Variants in MCTP2 observed in about 807,000 individuals in gnomAD.
MCTP2 encodes the protein multiple C2 and transmembrane domain-containing protein 2.
In MCTP2, 132 loss-of-function variants were observed where a neutral mutation model predicts 111.6. The observed-to-expected ratio is 1.18, with a 90% CI of 1.03 to 1.37. MCTP2 has a LOEUF of 1.37. Ranked by LOEUF, MCTP2 falls within the 40% of genes most tolerant of loss-of-function variation. The pLI, the probability that MCTP2 is intolerant of heterozygous loss-of-function variation, is 0.00. For missense variants in MCTP2, 1,183 were observed against 1,067.9 expected, an observed-to-expected ratio of 1.11 and a Z score of -1.50; for synonymous variants, 395 against 387.7, an observed-to-expected ratio of 1.02 and a Z score of -0.22.
intron 10 of MCTP2, among the ~76,000 whole-genome samples, chr15:94,361,587 TATTA>T (rs2078947632): frequency 6.6e-6 from 1 of 152,242 alleles, no homozygotes; most frequent in Admixed American, 6.5e-5. Context: ...TATTACTTAT[TATTA>T]ATTTTGAGAT....
intron 7 of MCTP2, chr15:94,343,422 G>GT (rs1459682533): frequency 1.3e-5 from 2 of 152,054 alleles, no homozygotes; most frequent in Non-Finnish European, 2.9e-5. Flanking sequence ...TAAATTCTCA[G>GT]TTTTTTACCC....
At chr15:94,440,396 T>G in intron 18 of MCTP2, 98 bp downstream of exon 18, 1 of 1,519,290 alleles carries the variant, frequency 6.6e-7, no homozygotes, top group Non-Finnish European at 9.0e-7. Context: ...CCATTTCGTT[T>G]GAGGTGTAAG....
At chr15:94,457,848 C>T (rs181740435) in intron 19 of MCTP2, among the ~76,000 whole-genome samples, 4 of 152,170 alleles carry the variant, frequency 2.6e-5, no homozygotes, top group Admixed American at 2.0e-4. Context: ...CTGCGAGGGA[C>T]GCGGCAGCCT....
rs560123350 is a variant in MCTP2 at position 94,482,712 on chromosome 15, A to G, written c.*3678A>G. ...TGATCAAAACTACATGCTTCAAGAA[A>G]TTAAACCTTGAAGAACTCAACAGTT... On this transcript the variant is annotated 3_prime_UTR_variant, in exon 23 of 23. Transcript: ENST00000357742. 1 of 152,372 alleles carries G rather than the reference A, an allele frequency of 6.6e-6. No homozygotes were observed. Among genetic ancestry groups the G allele is most frequent in the East Asian group, 1.9e-4 (1 of 5,192 alleles). 9.4% of individuals were successfully genotyped at this position (152,372 alleles called of 1,614,324 possible).
chr15:94,457,331 G>A (rs1438080932), intron 19 of MCTP2, among the ~76,000 whole-genome samples: 2 of 152,174 alleles, frequency 1.3e-5, no homozygotes, highest in Admixed American at 1.3e-4. Context: ...TAAGTAACCT[G>A]CATAACTGTT....
intron 1 of MCTP2, among the ~76,000 whole-genome samples, chr15:94,273,115 C>A (rs944729476): frequency 6.6e-6 from 1 of 152,156 alleles, no homozygotes; most frequent in African/African-American, 2.4e-5. Context: ...CGTCTCTCAT[C>A]CCCTTTAGTG....
chr15:94,347,400 A>G (rs2152413448), intron 8 of MCTP2, among the ~76,000 whole-genome samples: 1 of 152,342 alleles, frequency 6.6e-6, no homozygotes, highest in South Asian at 2.1e-4. Context: ...ACCTAAAAAT[A>G]TCATTAGCTT....
chr15:94,368,396 G>A (rs2079309800), intron 11 of MCTP2, among the ~76,000 whole-genome samples: 1 of 152,112 alleles, frequency 6.6e-6, no homozygotes, highest in South Asian at 2.1e-4. Context: ...TGGCTTTCTA[G>A]GTGCCTTTAT....
chr15:94,275,140 T>C (rs1265024712), intron 1 of MCTP2, among the ~76,000 whole-genome samples: 1 of 152,132 alleles, frequency 6.6e-6, no homozygotes, highest in Admixed American at 6.5e-5. Context: ...AAACTAGAAA[T>C]AGAAGAGAAT....
Position 94,479,177 on chromosome 15 carries a change from G to C in MCTP2, c.*143G>C, listed in dbSNP as rs921670538. 1 of 757,170 alleles carries C rather than the reference G, an allele frequency of 1.3e-6. No individual in the cohort carries two copies. Among genetic ancestry groups the C allele is most frequent in the Non-Finnish European group, 2.3e-6 (1 of 433,936 alleles). The allele number at this position is 757,170 out of a possible 1,614,324, so 46.9% of individuals were successfully genotyped here. A position where few individuals can be genotyped will look rare whatever the true frequency, so the allele number is the denominator to read the frequency against. On this transcript the variant is annotated 3_prime_UTR_variant, in exon 23 of 23. Coordinates refer to ENST00000357742, the MANE Select transcript of MCTP2 (RefSeq NM_001385001.1). ...CTCTGTATACTTCCTCCTCCTTCAC[G>C]TGCACAGACATACACACATGTGCAC...
chr15:94,424,025 C>G (rs1200814767), intron 17 of MCTP2, among the ~76,000 whole-genome samples: 1 of 152,132 alleles, frequency 6.6e-6, no homozygotes, highest in Admixed American at 6.5e-5. Flanking sequence ...AATGGTAATA[C>G]TAAATGTTGC....
At chr15:94,249,587 G>A (rs2072262871) in intron 1 of MCTP2, among the ~76,000 whole-genome samples, 1 of 151,576 alleles carries the variant, frequency 6.6e-6, no homozygotes, top group Non-Finnish European at 1.5e-5. Context: ...CTGGGTTCAC[G>A]CCATTCTCCT....
intron 14 of MCTP2, among the ~76,000 whole-genome samples, chr15:94,390,817 C>T (rs1403260319): frequency 6.7e-6 from 1 of 150,340 alleles, no homozygotes; most frequent in African/African-American, 2.5e-5. Context: ...GCAACCTCCA[C>T]CTCCCAGGCT....
intron 10 of MCTP2, among the ~76,000 whole-genome samples, chr15:94,366,109 C>A (rs1032392498): frequency 6.6e-6 from 1 of 152,112 alleles, no homozygotes; most frequent in Non-Finnish European, 1.5e-5. Context: ...CCACTTACAT[C>A]ATGCTTATGA....
chr15:94,347,539 T>A (rs2078049431), intron 8 of MCTP2, among the ~76,000 whole-genome samples: 1 of 152,192 alleles, frequency 6.6e-6, no homozygotes, highest in Non-Finnish European at 1.5e-5. Flanking sequence ...TCAACTGTTT[T>A]CTTACTGTTC....
In MCTP2 at chr15:94,408,169, C is replaced by A. The variant is rs2081991940; in HGVS notation, c.2085+6150C>A. Among the ~76,000 whole-genome samples the A allele has an allele frequency of 3.3e-5, 5 of 152,186 alleles. No homozygotes were observed. In the South Asian group the frequency reaches 1.0e-3, roughly 31 times the overall value. On this transcript the variant is annotated intron_variant, in intron 17 of 22. Transcript: ENST00000357742. Reference sequence around the variant, plus strand: ...AAGCTCTTTCATTGGCTATGACATCCACCAGAAGTCACAACTGGATGTGCA... The same window carrying A: ...AAGCTCTTTCATTGGCTATGACATCAACCAGAAGTCACAACTGGATGTGCA...
At chr15:94,338,715 T>C (rs570051890) in intron 4 of MCTP2, among the ~76,000 whole-genome samples, 4 of 152,314 alleles carry the variant, frequency 2.6e-5, no homozygotes, top group South Asian at 2.1e-4. Flanking sequence ...GCTGAGACAA[T>C]GTTGGCTGCT....
chr15:94,265,302 G>C (rs900825474), intron 1 of MCTP2, among the ~76,000 whole-genome samples: 3 of 152,112 alleles, frequency 2.0e-5, no homozygotes, highest in Admixed American at 6.5e-5. Context: ...GGCAACAGGG[G>C]TTATATGAAA....
chr15:94,338,488 ATTTTTTT>A (rs201502636), intron 4 of MCTP2, among the ~76,000 whole-genome samples: 35 of 134,176 alleles, frequency 2.6e-4, no homozygotes, highest in African/African-American at 6.2e-4. Context: ...GTTTGCAGGC[ATTTTTTT>A]TTTTTTTTTT....
Sources: allele counts gnomAD v4.1 joint callset (sites outside exome capture counted in the v4.1 genomes callset), GRCh38; gene constraint gnomAD v4.1.1; transcripts MANE v1.5; gene names NCBI Gene and HGNC (gene_info 2026-07-23, HGNC 2026-07-21).